The following PCNT variants were observed in gnomAD, a reference collection of about 807,000 sequenced individuals.
PCNT encodes kendrin.
In PCNT, 319 loss-of-function variants were observed where a neutral mutation model predicts 380.4. The ratio of observed to expected loss-of-function variants is 0.84; its 90% confidence interval spans 0.77 to 0.92. The LOEUF is 0.92. Ranked by LOEUF, PCNT falls within the 40% of genes least tolerant of loss-of-function variation. PCNT has a pLI of 0.00. For synonymous variants in PCNT, 1,845 were observed against 1,735.2 expected, an observed-to-expected ratio of 1.06 and a Z score of -1.57; for missense variants, 4,400 against 4,255.3, an observed-to-expected ratio of 1.03 and a Z score of -0.95.
Position 46,427,608 on chromosome 21 carries a change from C to T in PCNT, c.7321-14C>T. The T allele has an allele frequency of 6.2e-7, 1 of 1,613,838 alleles. No homozygotes were observed. Among genetic ancestry groups the T allele is most frequent in the Non-Finnish European group, 8.5e-7 (1 of 1,180,004 alleles). On this transcript the variant is annotated splice_polypyrimidine_tract_variant and intron_variant, in intron 33 of 46. Transcript: ENST00000359568. ...CATTTGTGAGGACGCCACGTTTCTTCCTTCTTCCTTTAGGAAGTGCCCACC... is the reference window on the plus strand; with the variant it reads ...CATTTGTGAGGACGCCACGTTTCTTTCTTCTTCCTTTAGGAAGTGCCCACC...
At chr21:46,351,339 G>A (rs1476518951) in intron 8 of PCNT, 90 bp from the exon 9 acceptor site, 24 of 789,612 alleles carry the variant, frequency 3.0e-5, no homozygotes, top group Non-Finnish European at 4.6e-5. Flanking sequence ...CCTTAGGATC[G>A]CAGTGGCAGG....
intron 15 of PCNT, among the ~76,000 whole-genome samples, chr21:46,374,085 A>G (rs929432890): frequency 5.9e-5 from 9 of 152,088 alleles, no homozygotes; most frequent in African/African-American, 2.2e-4. Flanking sequence ...GAAGAAAACA[A>G]TTGGGCTGTG....
chr21:46,363,614 T>C lies in PCNT; in HGVS notation c.2289T>C (p.Ala763=). 1.2e-6 allele frequency: 2 copies of C among 1,614,048 alleles called. No homozygotes were observed. Among genetic ancestry groups the C allele is most frequent in the Non-Finnish European group, 1.7e-6 (2 of 1,179,994 alleles). Residue 763 remains alanine, a synonymous_variant, in exon 14 of 47, where the codon GCT becomes GCC. Coordinates refer to ENST00000359568, the MANE Select transcript of PCNT (RefSeq NM_006031.6). ...KVMKEELQRE[A]EEKLTLMLLE... ...TGAAGGAGGAGCTACAGCGGGAAGCTGAGGAGAAGTTAACATTGATGCTAC... is the reference window on the plus strand; with the variant it reads ...TGAAGGAGGAGCTACAGCGGGAAGCCGAGGAGAAGTTAACATTGATGCTAC...
chr21:46,435,439 T>G (rs1252001273), intron 38 of PCNT, among the ~76,000 whole-genome samples: 1 of 152,012 alleles, frequency 6.6e-6, no homozygotes, highest in African/African-American at 2.4e-5. Flanking sequence ...TTGGCCAGAC[T>G]GGTCTCGAAC....
At chr21:46,438,074 A>G in intron 40 of PCNT, 90 bp from the exon 41 acceptor site, 3 of 1,032,544 alleles carry the variant, frequency 2.9e-6, no homozygotes, top group Non-Finnish European at 4.4e-6. Flanking sequence ...ATTAATTACA[A>G]TCCCTAAAAA....
chr21:46,403,358 G>C (rs181355969), intron 27 of PCNT, among the ~76,000 whole-genome samples: 16 of 137,680 alleles, frequency 1.2e-4, no homozygotes, highest in African/African-American at 3.4e-4. Context: ...GCGCGTGCTC[G>C]GTGAATGAAC....
At chr21:46,333,618 A>T (rs542705399) in intron 2 of PCNT, among the ~76,000 whole-genome samples, 4 of 149,626 alleles carry the variant, frequency 2.7e-5, no homozygotes, top group African/African-American at 9.8e-5. Context: ...AAAAAATTAC[A>T]GGCTGGGCAC....
chr21:46,334,814 T>A, intron 3 of PCNT, 46 bp downstream of exon 3: 1 of 1,614,016 alleles, frequency 6.2e-7, no homozygotes, highest in Non-Finnish European at 8.5e-7. Flanking sequence ...GTCAAAAGAT[T>A]TCTTTATGTT....
intron 15 of PCNT, among the ~76,000 whole-genome samples, chr21:46,374,818 C>T (rs149317135): frequency 1.0e-4 from 14 of 138,658 alleles, no homozygotes; most frequent in East Asian, 2.1e-4. Flanking sequence ...CGTTGCACTC[C>T]AGCCTGGGCA....
At chr21:46,344,011 C>G (rs542884440) in intron 3 of PCNT, among the ~76,000 whole-genome samples, 2 of 151,184 alleles carry the variant, frequency 1.3e-5, no homozygotes, top group East Asian at 3.9e-4. Flanking sequence ...TTCTCTCTTC[C>G]TTTCCTGGTT....
rs1336861775 is a variant in PCNT, at chr21:46,412,999, G to A, written c.6150+7G>A. 1 of 1,606,444 alleles carries A rather than the reference G, an allele frequency of 6.2e-7. No homozygotes were observed. ...TCTGGAGGACGGCGGCAAGGTGTGG[G>A]GAGGGGGGAAGGCGCGAGGTCCCCC... is the stretch of plus-strand genomic sequence containing the variant. On this transcript the variant is annotated splice_region_variant and intron_variant, in intron 29 of 46. Coordinates refer to ENST00000359568, the MANE Select transcript of PCNT (RefSeq NM_006031.6).
At chr21:46,434,235 C>G (rs1229880557) in intron 38 of PCNT, among the ~76,000 whole-genome samples, 1 of 152,206 alleles carries the variant, frequency 6.6e-6, no homozygotes, top group East Asian at 1.9e-4. Context: ...ATCTTACTTT[C>G]CTTACTAGAA....
chr21:46,405,781 C>G (rs1340771155), intron 27 of PCNT, among the ~76,000 whole-genome samples: 1 of 152,132 alleles, frequency 6.6e-6, no homozygotes. Flanking sequence ...AACTTGACCT[C>G]TAACTATAAT....
intron 24 of PCNT, 78 bp downstream of exon 24, chr21:46,398,333 A>AC: frequency 7.0e-7 from 1 of 1,428,188 alleles, no homozygotes; most frequent in Non-Finnish European, 9.6e-7. Context: ...CTGTCCTGCC[A>AC]CCCACTCGCT....
At chr21:46,410,759 C>G (rs554801066) in intron 27 of PCNT, among the ~76,000 whole-genome samples, 1 of 152,196 alleles carries the variant, frequency 6.6e-6, no homozygotes, top group Non-Finnish European at 1.5e-5. Flanking sequence ...GGAGCGTGCC[C>G]GGCTCACCGC....
intron 24 of PCNT, 85 bp downstream of exon 24, chr21:46,398,340 C>T (rs2086278822): frequency 3.6e-6 from 5 of 1,383,390 alleles, no homozygotes; most frequent in Middle Eastern, 2.5e-4. Flanking sequence ...GCCACCCACT[C>T]GCTTTTCTTG....
rs1226970915 is a variant in PCNT, at chr21:46,415,966, C to T, written c.6151-103C>T. 14 of 1,075,640 alleles carry T rather than the reference C, an allele frequency of 1.3e-5. No individual in the cohort carries two copies. The Admixed American group carries it at 1.3e-4, about 10-fold the overall frequency. The allele number at this position is 1,075,640 out of a possible 1,614,324, so 66.6% of individuals were successfully genotyped here. A position where few individuals can be genotyped will look rare whatever the true frequency, so the allele number is the denominator to read the frequency against. Reference sequence around the variant, plus strand: ...GTGCAGGGCTCATTGTGGAATCACCCGAGTGCTCCGAAACTCCCTGAAATC... The same window carrying T: ...GTGCAGGGCTCATTGTGGAATCACCTGAGTGCTCCGAAACTCCCTGAAATC... On this transcript the variant is annotated intron_variant, in intron 29 of 46. Coordinates refer to ENST00000359568, the MANE Select transcript of PCNT (RefSeq NM_006031.6).
At chr21:46,335,907 ACC>A (rs753708171) in intron 3 of PCNT, among the ~76,000 whole-genome samples, 15 of 151,766 alleles carry the variant, frequency 9.9e-5, no homozygotes, top group Non-Finnish European at 1.6e-4. Context: ...GCTGGTGCTG[ACC>A]TCAAGTGATC....
intron 38 of PCNT, among the ~76,000 whole-genome samples, chr21:46,434,052 A>G (rs2087870492): frequency 6.6e-6 from 1 of 152,214 alleles, no homozygotes; most frequent in Non-Finnish European, 1.5e-5. Flanking sequence ...GTGCTGGATT[A>G]CAGGCGTGAG....
Sources: gnomAD v4.1 joint callset for allele counts (sites outside exome capture counted in the v4.1 genomes callset) on GRCh38, gnomAD v4.1.1 for gene constraint, MANE v1.5 for transcripts, NCBI Gene and HGNC (gene_info 2026-07-23, HGNC 2026-07-21) for gene names.